Variants in COL26A1 observed in about 807,000 individuals in gnomAD.
COL26A1 encodes collagen type XXVI alpha 1 chain, also known as collagen alpha-1(XXVI) chain.
COL26A1 carries 41 observed loss-of-function variants against 59.3 expected under a neutral mutation model. The ratio of observed to expected loss-of-function variants is 0.69; its 90% CI spans 0.54 to 0.90. The LOEUF is 0.90. Ranked by LOEUF, COL26A1 falls within the 40% of genes least tolerant of loss-of-function variation. COL26A1 has a pLI of 0.00. For synonymous variants in COL26A1, 266 were observed against 256.0 expected, an observed-to-expected ratio of 1.04 and a Z score of -0.37; for missense variants, 612 against 602.3, an observed-to-expected ratio of 1.02 and a Z score of -0.17.
At chr7:101,423,610 C>T (rs1313182745) in intron 2 of COL26A1, among the ~76,000 whole-genome samples, 1 of 152,018 alleles carries the variant, frequency 6.6e-6, no homozygotes, top group African/African-American at 2.4e-5. Flanking sequence ...TGCCACATGC[C>T]TGTAATCCCA....
intron 2 of COL26A1, 90 bp from the exon 3 acceptor site, chr7:101,447,594 G>T: frequency 1.1e-6 from 1 of 908,436 alleles, no homozygotes; most frequent in South Asian, 1.5e-5. Context: ...GCCCTGGCTG[G>T]GCAAAACAGC....
Position 101,465,751 on chromosome 7 carries a change from C to T in COL26A1, c.385+17964C>T, listed in dbSNP as rs147208331. On this transcript the variant is annotated intron_variant, in intron 3 of 12. Coordinates refer to ENST00000313669, the MANE Select transcript of COL26A1 (RefSeq NM_001278563.3). ...AACAAAGGAAGTGCTCTCGGCCTGG[C>T]GTGGCAGTGATATAAGACATCAGGC... Among the ~76,000 whole-genome samples the T allele has an allele frequency of 2.7e-3, 407 of 151,428 alleles. 2 individuals carry two copies. Among genetic ancestry groups the T allele is most frequent in the African/African-American group, 9.5e-3 (391 of 41,214 alleles).
intron 1 of COL26A1, among the ~76,000 whole-genome samples, chr7:101,404,233 A>G (rs1313200439): frequency 6.6e-6 from 1 of 152,156 alleles, no homozygotes; most frequent in African/African-American, 2.4e-5. Flanking sequence ...GATGCTGCCT[A>G]ATTAGCCAAC....
intron 3 of COL26A1, among the ~76,000 whole-genome samples, chr7:101,531,776 G>GTT (rs113708597): frequency 1.3e-4 from 19 of 144,972 alleles, no homozygotes; most frequent in African/African-American, 4.5e-4. Flanking sequence ...TTTGTTTTTT[G>GTT]TTTTTTTTTT....
intron 3 of COL26A1, among the ~76,000 whole-genome samples, chr7:101,517,354 A>G (rs554365211): frequency 1.3e-5 from 2 of 150,974 alleles, no homozygotes; most frequent in East Asian, 1.9e-4. Context: ...ATAAAGACAT[A>G]CCCAAGATTG....
chr7:101,502,978 G>A (rs185745637), intron 3 of COL26A1, among the ~76,000 whole-genome samples: 216 of 152,294 alleles, frequency 1.4e-3, no homozygotes, highest in Non-Finnish European at 2.7e-3. Flanking sequence ...TTCTCAGGGT[G>A]AGCTGCCCAG....
intron 4 of COL26A1, among the ~76,000 whole-genome samples, chr7:101,536,363 C>G (rs530893158): frequency 3.5e-4 from 53 of 152,342 alleles, no homozygotes; most frequent in African/African-American, 1.2e-3. Flanking sequence ...GAGGCAGCGG[C>G]CTGGAGAGGG....
chr7:101,530,575 A>C (rs1795344754), intron 3 of COL26A1, among the ~76,000 whole-genome samples: 1 of 150,000 alleles, frequency 6.7e-6, no homozygotes, highest in Non-Finnish European at 1.5e-5. Context: ...TTAAAAAAAA[A>C]AAAAAAAAAA....
Position 101,363,112 on chromosome 7 carries a change from T to C in COL26A1, c.80T>C (p.Phe27Ser). The change falls in exon 1 of 13, where the codon TTC (phenylalanine) becomes TCC (serine). Residue 27 changes from phenylalanine (F) to serine (S), a missense_variant. By Grantham distance (155) the Phe-to-Ser change is radical (BLOSUM62 -2). Coordinates refer to ENST00000313669, the MANE Select transcript of COL26A1 (RefSeq NM_001278563.3). ...CTGGCCACCGGCTTCCTCTATCCCT[T>C]CTCGGCCGCAGCTCTGCAGCAGCAC... ...SALATGFLYP[F>S]SAAALQQHGY... 6.5e-7 allele frequency: 1 copy of C among 1,548,534 alleles called. No individual in the cohort carries two copies. The highest frequency in any genetic ancestry group is 2.5e-5 in the East Asian group (1 of 40,412).
chr7:101,435,913 T>TC (rs1289624695), intron 2 of COL26A1, among the ~76,000 whole-genome samples: 2 of 152,036 alleles, frequency 1.3e-5, no homozygotes, highest in Non-Finnish European at 2.9e-5. Context: ...CCCGCCAGCC[T>TC]CCCCCCTCTG....
intron 2 of COL26A1, among the ~76,000 whole-genome samples, chr7:101,429,491 A>T (rs1295323283): frequency 6.6e-6 from 1 of 151,906 alleles, no homozygotes; most frequent in African/African-American, 2.4e-5. Context: ...GTGTTTTGCC[A>T]ATACCACACA....
intron 3 of COL26A1, among the ~76,000 whole-genome samples, chr7:101,467,338 G>A (rs1013972958): frequency 1.9e-4 from 28 of 147,046 alleles, no homozygotes; most frequent in African/African-American, 6.7e-4. Context: ...GGGTCTTCTG[G>A]TTTCATGGCG....
At chr7:101,409,875 T>C (rs1034905221) in intron 1 of COL26A1, among the ~76,000 whole-genome samples, 1 of 152,002 alleles carries the variant, frequency 6.6e-6, no homozygotes, top group Non-Finnish European at 1.5e-5. Flanking sequence ...ATTCTCCTGT[T>C]TCAGCCTCCC....
rs147443667 is a variant in COL26A1, at chr7:101,528,678, G to A, written c.386-4404G>A. Among the ~76,000 whole-genome samples the A allele has an allele frequency of 4.5e-3, 678 of 152,094 alleles. 3 individuals are homozygous for A. The highest frequency in any genetic ancestry group is 0.015 in the African/African-American group (624 of 41,508). ...TCCTCCTGCCTCAGCCTCCAAAGTA[G>A]CTGAGACTACTGGCACGCACCACCA... is the stretch of plus-strand genomic sequence containing the variant. On this transcript the variant is annotated intron_variant, in intron 3 of 12. Coordinates refer to ENST00000313669, the MANE Select transcript of COL26A1 (RefSeq NM_001278563.3).
intron 3 of COL26A1, among the ~76,000 whole-genome samples, chr7:101,482,754 C>T (rs554672012): frequency 5.3e-4 from 80 of 152,202 alleles, no homozygotes; most frequent in African/African-American, 1.9e-3. Flanking sequence ...ACCAGGAGTT[C>T]AAGACCAGCC....
intron 3 of COL26A1, among the ~76,000 whole-genome samples, chr7:101,458,798 C>T (rs1211609778): frequency 7.5e-6 from 1 of 133,160 alleles, no homozygotes; most frequent in Non-Finnish European, 1.6e-5. Flanking sequence ...GAACTGAAAC[C>T]TGGGTCTTTT....
chr7:101,426,158 T>C (rs1032224479), intron 2 of COL26A1, among the ~76,000 whole-genome samples: 1 of 152,044 alleles, frequency 6.6e-6, no homozygotes, highest in Non-Finnish European at 1.5e-5. Context: ...TTCAGTTTTC[T>C]TAAGAGTCTG....
At chr7:101,396,731 G>A (rs1791863598) in intron 1 of COL26A1, among the ~76,000 whole-genome samples, 1 of 152,168 alleles carries the variant, frequency 6.6e-6, no homozygotes, top group Admixed American at 6.5e-5. Flanking sequence ...CAAAGGTGCT[G>A]GGGTTACAGG....
At chr7:101,453,238 G>T (rs974230483) in intron 3 of COL26A1, among the ~76,000 whole-genome samples, 2 of 152,138 alleles carry the variant, frequency 1.3e-5, no homozygotes, top group African/African-American at 4.8e-5. Context: ...GTGGTGGCAC[G>T]TGCCCGTAGC....
Sources: gnomAD v4.1 joint callset for allele counts (sites outside exome capture counted in the v4.1 genomes callset) on GRCh38, gnomAD v4.1.1 for gene constraint, MANE v1.5 for transcripts, NCBI Gene and HGNC (gene_info 2026-07-23, HGNC 2026-07-21) for gene names.